The following MEIKIN variants were observed in gnomAD, a reference collection of about 807,000 sequenced individuals.
MEIKIN encodes meiosis-specific kinetochore protein.
At chr5:131,894,283 A>G (rs1163446145) in intron 8 of MEIKIN, among the ~76,000 whole-genome samples, 1 of 152,048 alleles carries the variant, frequency 6.6e-6, no homozygotes, top group Non-Finnish European at 1.5e-5. Context: ...CCAGTACCAC[A>G]CTGTTTTGGT....
At chr5:131,892,384 T>C (rs1750940533) in intron 8 of MEIKIN, among the ~76,000 whole-genome samples, 1 of 152,210 alleles carries the variant, frequency 6.6e-6, no homozygotes, top group Non-Finnish European at 1.5e-5. Context: ...TTTCACATAG[T>C]CCCATATTTC....
At chr5:131,867,926 AG>A (rs1750415369) in intron 9 of MEIKIN, among the ~76,000 whole-genome samples, 1 of 152,202 alleles carries the variant, frequency 6.6e-6, no homozygotes, top group Non-Finnish European at 1.5e-5. Context: ...GAGTATGTTT[AG>A]TTTTTAAAAA....
rs144094159 is a variant in MEIKIN at position 131,941,674 on chromosome 5, A to G, written c.349+961T>C. The stretch of plus-strand genomic sequence containing the variant: ...TTATACCAATATGTAGATGGCTCAC[A>G]AATTTCTATCTCCAGCCTTTCATAT... On this transcript the variant is annotated intron_variant, in intron 4 of 12. Transcript: ENST00000442687. Among the ~76,000 whole-genome samples the G allele has an allele frequency of 8.4e-3, 1,279 of 152,318 alleles. 3 individuals are homozygous for G. The highest frequency in any genetic ancestry group is 0.012 in the Non-Finnish European group (833 of 68,034).
intron 8 of MEIKIN, among the ~76,000 whole-genome samples, chr5:131,904,321 TA>T (rs894323170): frequency 3.3e-5 from 5 of 152,332 alleles, no homozygotes; most frequent in African/African-American, 7.2e-5. Flanking sequence ...CAAATGGATC[TA>T]ATAGATATCT....
rs183917910 is a variant in MEIKIN, at chr5:131,826,709, T to G, written c.976-7846A>C. ...TGATAGTGAGTGAGTTCTCATGAGA[T>G]TTGGTTGATACGTGTGTGGCACTTC... On this transcript the variant is annotated intron_variant, in intron 11 of 12. Transcript: ENST00000442687. Among the ~76,000 whole-genome samples the G allele has an allele frequency of 2.6e-4, 40 of 152,222 alleles. 1 individual carries two copies. The highest frequency in any genetic ancestry group is 2.6e-3 in the Admixed American group (39 of 15,284).
chr5:131,822,179 C>T (rs1390664574), intron 11 of MEIKIN, among the ~76,000 whole-genome samples: 1 of 152,046 alleles, frequency 6.6e-6, no homozygotes, highest in Non-Finnish European at 1.5e-5. Context: ...ATCTTTATAG[C>T]TGAAGTGTGC....
chr5:131,883,588 T>C (rs1175143732), intron 8 of MEIKIN, among the ~76,000 whole-genome samples: 1 of 152,148 alleles, frequency 6.6e-6, no homozygotes, highest in Non-Finnish European at 1.5e-5. Flanking sequence ...AAGAAATGTA[T>C]AAGGAAGGAC....
chr5:131,835,419 T>C (rs1024292221), intron 11 of MEIKIN, among the ~76,000 whole-genome samples: 2 of 152,186 alleles, frequency 1.3e-5, no homozygotes, highest in African/African-American at 4.8e-5. Flanking sequence ...TTTGGTGTCA[T>C]ATCCAAGAAA....
intron 8 of MEIKIN, among the ~76,000 whole-genome samples, chr5:131,885,341 A>AAGGAGAGAGAG (rs1750764493): frequency 1.6e-5 from 1 of 61,958 alleles, no homozygotes. Flanking sequence ...TCAGAACTGA[A>AAGGAGAGAGAG]AGAGAGAGAG....
intron 6 of MEIKIN, among the ~76,000 whole-genome samples, chr5:131,919,242 A>T (rs1354485436): frequency 6.6e-6 from 1 of 152,146 alleles, no homozygotes; most frequent in East Asian, 1.9e-4. Context: ...GTTGGTAAGG[A>T]TATAGTGAGA....
intron 8 of MEIKIN, among the ~76,000 whole-genome samples, chr5:131,892,036 T>C (rs1192253865): frequency 6.6e-6 from 1 of 152,136 alleles, no homozygotes; most frequent in African/African-American, 2.4e-5. Flanking sequence ...GAATGTTGAA[T>C]ATTGGCCCCC....
At chr5:131,882,969 T>C (rs1478690538) in intron 8 of MEIKIN, among the ~76,000 whole-genome samples, 1 of 152,242 alleles carries the variant, frequency 6.6e-6, no homozygotes, top group African/African-American at 2.4e-5. Context: ...ATAGCATGCC[T>C]AGTTACACCT....
At chr5:131,826,357 T>C (rs886138721) in intron 11 of MEIKIN, among the ~76,000 whole-genome samples, 3 of 152,296 alleles carry the variant, frequency 2.0e-5, no homozygotes, top group African/African-American at 4.8e-5. Context: ...ATAATGCTGA[T>C]TATTATAATT....
chr5:131,908,577 G>A (rs1216771055), intron 8 of MEIKIN, among the ~76,000 whole-genome samples: 1 of 152,118 alleles, frequency 6.6e-6, no homozygotes, highest in Non-Finnish European at 1.5e-5. Context: ...AGTCTAGCTA[G>A]AGCAGTCAGA....
intron 12 of MEIKIN, among the ~76,000 whole-genome samples, chr5:131,810,322 A>G (rs750590641): frequency 1.3e-5 from 2 of 152,190 alleles, no homozygotes; most frequent in Non-Finnish European, 2.9e-5. Context: ...GGAGCTCAAA[A>G]TAGAATAAAA....
intron 12 of MEIKIN, among the ~76,000 whole-genome samples, chr5:131,814,602 AAAAAG>A (rs1170466338): frequency 6.6e-6 from 1 of 152,212 alleles, no homozygotes; most frequent in Non-Finnish European, 1.5e-5. Context: ...CAATGGGAAA[AAAAAG>A]AAAAGAAGAA....
chr5:131,869,053 A>G (rs1048988496), intron 9 of MEIKIN, among the ~76,000 whole-genome samples: 1 of 152,194 alleles, frequency 6.6e-6, no homozygotes, highest in Admixed American at 6.5e-5. Context: ...AGTCATCACC[A>G]TACTCAAGGT....
intron 11 of MEIKIN, among the ~76,000 whole-genome samples, chr5:131,833,284 T>C (rs1340494937): frequency 6.6e-6 from 1 of 152,192 alleles, no homozygotes; most frequent in Non-Finnish European, 1.5e-5. Context: ...TCCTTGCTAA[T>C]TTGCTAAAAC....
intron 11 of MEIKIN, among the ~76,000 whole-genome samples, chr5:131,838,718 T>C (rs759345924): frequency 6.6e-6 from 1 of 152,138 alleles, no homozygotes; most frequent in Non-Finnish European, 1.5e-5. Context: ...TCACTTCCAA[T>C]TGTGTTTATT....
Sources: allele counts gnomAD v4.1 joint callset (sites outside exome capture counted in the v4.1 genomes callset), GRCh38; gene constraint gnomAD v4.1.1; transcripts MANE v1.5; gene names NCBI Gene and HGNC (gene_info 2026-07-23, HGNC 2026-07-21).